The following GMDS variants were observed in gnomAD, a reference collection of about 807,000 sequenced individuals.
GMDS encodes GDP-mannose 4,6 dehydratase.
A neutral mutation model predicts 49.9 loss-of-function variants in GMDS; 20 were observed. The ratio of observed to expected loss-of-function variants is 0.40; its 90% confidence interval spans 0.28 to 0.58. GMDS has a LOEUF of 0.58. Ranked by LOEUF, GMDS falls within the 20% of genes least tolerant of loss-of-function variation. The pLI is 0.42. For synonymous variants in GMDS, 177 were observed against 178.6 expected, an observed-to-expected ratio of 0.99 and a Z score of 0.07; for missense variants, 362 against 481.4, an observed-to-expected ratio of 0.75 and a Z score of 2.32.
chr6:1,862,977 C>G (rs1373441736), intron 7 of GMDS, among the ~76,000 whole-genome samples: 1 of 152,158 alleles, frequency 6.6e-6, no homozygotes, highest in Non-Finnish European at 1.5e-5. Flanking sequence ...ATAGATAATT[C>G]ATTATGAGTA....
intron 8 of GMDS, among the ~76,000 whole-genome samples, chr6:1,740,002 C>T (rs983875525): frequency 6.6e-6 from 1 of 152,162 alleles, no homozygotes; most frequent in Non-Finnish European, 1.5e-5. Context: ...TCATCCTTCG[C>T]AACTTTTGGA....
intron 1 of GMDS, among the ~76,000 whole-genome samples, chr6:2,127,508 G>GA (rs1156427706): frequency 2.0e-5 from 3 of 152,164 alleles, no homozygotes; most frequent in Non-Finnish European, 2.9e-5. Context: ...GACCAGGACT[G>GA]AACCCTGTCA....
At chr6:2,187,230 G>A (rs1284429533) in intron 1 of GMDS, among the ~76,000 whole-genome samples, 4 of 152,152 alleles carry the variant, frequency 2.6e-5, no homozygotes, top group Non-Finnish European at 5.9e-5. Flanking sequence ...CCAAGGAGTG[G>A]CCCCTACCTG....
chr6:1,947,030 G>A (rs940285954), intron 6 of GMDS, among the ~76,000 whole-genome samples: 12 of 152,158 alleles, frequency 7.9e-5, no homozygotes, highest in African/African-American at 2.7e-4. Flanking sequence ...ATCATTTTTC[G>A]CATATGGTAT....
At chr6:1,796,958 T>C (rs1205080571) in intron 7 of GMDS, among the ~76,000 whole-genome samples, 1 of 152,212 alleles carries the variant, frequency 6.6e-6, no homozygotes, top group Admixed American at 6.5e-5. Context: ...ATGGTGTTAC[T>C]ATATGCCCAA....
chr6:1,649,635 G>C (rs1001532325), intron 9 of GMDS, among the ~76,000 whole-genome samples: 1 of 152,152 alleles, frequency 6.6e-6, no homozygotes, highest in African/African-American at 2.4e-5. Context: ...CCTAATTACT[G>C]CATCTTTATG....
At chr6:1,854,079 A>T (rs1160168888) in intron 7 of GMDS, among the ~76,000 whole-genome samples, 1 of 152,210 alleles carries the variant, frequency 6.6e-6, no homozygotes, top group African/African-American at 2.4e-5. Context: ...CTTTTCAAGG[A>T]TTAATATCTC....
At chr6:1,945,441 C>G (rs930468474) in intron 6 of GMDS, among the ~76,000 whole-genome samples, 4 of 152,054 alleles carry the variant, frequency 2.6e-5, no homozygotes, top group Non-Finnish European at 4.4e-5. Flanking sequence ...TTGGTCAGTA[C>G]TAGATGAGAT....
chr6:1,749,117 C>T (rs908651284), intron 7 of GMDS, among the ~76,000 whole-genome samples: 2 of 152,184 alleles, frequency 1.3e-5, no homozygotes, highest in Non-Finnish European at 2.9e-5. Context: ...CGCTTTGCCC[C>T]AGGACGTGGC....
intron 1 of GMDS, among the ~76,000 whole-genome samples, chr6:2,219,024 G>T (rs1780463473): frequency 6.6e-6 from 1 of 152,140 alleles, no homozygotes; most frequent in Non-Finnish European, 1.5e-5. Flanking sequence ...TTGAGCCCAG[G>T]AGGTCAAGGC....
At chr6:1,944,669 CAAAAAAAAAA>C (rs56229524) in intron 6 of GMDS, among the ~76,000 whole-genome samples, 1 of 101,160 alleles carries the variant, frequency 9.9e-6, no homozygotes, top group Admixed American at 1.0e-4. Context: ...GACTCCGTCT[CAAAAAAAAAA>C]AAAAAAAAAA....
At chr6:1,910,851 T>G (rs1415121613) in intron 7 of GMDS, among the ~76,000 whole-genome samples, 5 of 151,656 alleles carry the variant, frequency 3.3e-5, no homozygotes, top group Non-Finnish European at 5.9e-5. Context: ...GTCACAGGAG[T>G]TTTTCTCTGA....
chr6:1,999,196 C>A (rs1408722962), intron 4 of GMDS, among the ~76,000 whole-genome samples: 2 of 151,824 alleles, frequency 1.3e-5, no homozygotes, highest in Non-Finnish European at 1.5e-5. Context: ...GTGGTGCATG[C>A]CTGTAATTCC....
intron 9 of GMDS, among the ~76,000 whole-genome samples, chr6:1,660,745 A>G (rs934168701): frequency 3.4e-5 from 5 of 144,992 alleles, no homozygotes; most frequent in Admixed American, 7.5e-5. Context: ...TCTGAATTCA[A>G]CCTACTGATT....
rs1474847561 is a variant in GMDS at position 1,959,062 on chromosome 6, T to C, written c.643+805A>G. 3.3e-5 allele frequency among the ~76,000 whole-genome samples: 5 copies of C among 152,304 alleles called. No homozygotes were observed. In the East Asian group the frequency reaches 5.8e-4, roughly 18 times the overall value. ...ACAGTTTTCCAAAAATACCTGATAA[T>C]ACTTCTAAATTAAGAGCTGACTTCA... On this transcript the variant is annotated intron_variant, in intron 6 of 10. Coordinates refer to ENST00000380815, the MANE Select transcript of GMDS (RefSeq NM_001500.4).
chr6:1,940,667 A>G lies in GMDS; in HGVS notation c.644-10437T>C, dbSNP rs190197550. 5.1e-4 allele frequency among the ~76,000 whole-genome samples: 77 copies of G among 152,390 alleles called. No homozygotes were observed. The East Asian group carries it at 0.013, about 27-fold the overall frequency. On this transcript the variant is annotated intron_variant, in intron 6 of 10. Coordinates refer to ENST00000380815, the MANE Select transcript of GMDS (RefSeq NM_001500.4). ...GGAATCTCAGGCTTAAAAGAGGACA[A>G]TTCACAATGTGCATTTGTCTGAGAT...
intron 9 of GMDS, among the ~76,000 whole-genome samples, chr6:1,700,795 A>G (rs149777382): frequency 1.3e-5 from 2 of 152,194 alleles, no homozygotes; most frequent in Admixed American, 1.3e-4. Flanking sequence ...GAGGCTGAGC[A>G]GTCCACCTCC....
At chr6:1,861,372 C>T (rs1382657080) in intron 7 of GMDS, among the ~76,000 whole-genome samples, 1 of 152,078 alleles carries the variant, frequency 6.6e-6, no homozygotes, top group African/African-American at 2.4e-5. Context: ...AGAATCACAC[C>T]GTCTAGAGGA....
chr6:2,226,539 C>G (rs1187558888), intron 1 of GMDS, among the ~76,000 whole-genome samples: 2 of 152,160 alleles, frequency 1.3e-5, no homozygotes, highest in African/African-American at 4.8e-5. Flanking sequence ...ATAGCCCCAA[C>G]AACAGAGATA....
Sources: gnomAD v4.1 joint callset for allele counts (sites outside exome capture counted in the v4.1 genomes callset) on GRCh38, gnomAD v4.1.1 for gene constraint, MANE v1.5 for transcripts, NCBI Gene and HGNC (gene_info 2026-07-23, HGNC 2026-07-21) for gene names.